Variants in AFF3 observed in about 807,000 individuals in gnomAD.
AFF3 encodes ALF transcription elongation factor 3.
AFF3 carries 32 observed loss-of-function variants against 129.7 expected under a neutral mutation model. That is an observed-to-expected ratio of 0.25 (90% CI 0.19 to 0.33). The LOEUF is 0.33. AFF3 is among the 10% of genes least tolerant of loss of function. AFF3 has a pLI of 1.00. For missense variants in AFF3, 1,373 were observed against 1,592.0 expected (o/e 0.86, Z 2.34); for synonymous variants, 644 against 635.4 (o/e 1.01, Z -0.20).
chr2:99,703,308 G>A (rs1263379303), intron 11 of AFF3, among the ~76,000 whole-genome samples: 2 of 152,142 alleles, frequency 1.3e-5, no homozygotes, highest in African/African-American at 2.4e-5. Context: ...AGTTCCTTCT[G>A]CCACGTAAGG....
intron 7 of AFF3, among the ~76,000 whole-genome samples, chr2:99,899,013 A>C (rs1159925401): frequency 6.6e-6 from 1 of 152,122 alleles, no homozygotes; most frequent in Admixed American, 6.6e-5. Context: ...TTCTAAACCA[A>C]GACCACTGCA....
At chr2:100,128,476 G>C (rs1014206492) in intron 2 of AFF3, among the ~76,000 whole-genome samples, 7 of 152,214 alleles carry the variant, frequency 4.6e-5, no homozygotes, top group Non-Finnish European at 1.0e-4. Context: ...GAAGACCAGA[G>C]TGACCTACTC....
chr2:99,835,806 T>C (rs969215173), intron 8 of AFF3, among the ~76,000 whole-genome samples: 1 of 152,152 alleles, frequency 6.6e-6, no homozygotes, highest in African/African-American at 2.4e-5. Context: ...AAATCTGTGA[T>C]CCGGTGGGTC....
chr2:99,967,987 T>A (rs1677958244), intron 7 of AFF3, among the ~76,000 whole-genome samples: 1 of 152,210 alleles, frequency 6.6e-6, no homozygotes, highest in Admixed American at 6.5e-5. Context: ...CTTTAATGTC[T>A]CACCATGTTC....
Position 99,618,089 on chromosome 2 carries a change from G to A in AFF3, c.1185-16468C>T, listed in dbSNP as rs574268453. ...GGTGGACGTTTTACTGCCTCTGCTC[G>A]CTGGCTATATGACCTTTGGGAAGTT... On this transcript the variant is annotated intron_variant, in intron 13 of 24. Transcript: ENST00000672756. Among the ~76,000 whole-genome samples, 26 of 152,178 alleles carry A rather than the reference G, an allele frequency of 1.7e-4. No homozygotes were observed. The East Asian group carries it at 1.9e-3, about 11-fold the overall frequency.
At chr2:99,622,345 C>T (rs1480300192) in intron 13 of AFF3, among the ~76,000 whole-genome samples, 2 of 152,082 alleles carry the variant, frequency 1.3e-5, no homozygotes, top group Admixed American at 6.6e-5. Context: ...CAAATTACCA[C>T]GAACACATTT....
At chr2:99,906,261 A>T (rs1197222633) in intron 7 of AFF3, among the ~76,000 whole-genome samples, 1 of 152,220 alleles carries the variant, frequency 6.6e-6, no homozygotes, top group Non-Finnish European at 1.5e-5. Context: ...CAGCATTATT[A>T]ACCTCATTTT....
chr2:99,880,834 G>A (rs1458224290), intron 7 of AFF3, among the ~76,000 whole-genome samples: 1 of 152,264 alleles, frequency 6.6e-6, no homozygotes, highest in Middle Eastern at 3.4e-3. Context: ...TGTTTGGGAC[G>A]AGCAGTTGGA....
In AFF3 at chr2:99,727,147, A is replaced by T. The variant is rs769931596; in HGVS notation, c.1040-19T>A. 3 of 1,605,456 alleles carry T rather than the reference A, an allele frequency of 1.9e-6. No homozygotes were observed. The highest frequency in any genetic ancestry group is 2.6e-6 in the Non-Finnish European group (3 of 1,175,884). On this transcript the variant is annotated intron_variant, in intron 10 of 24. Coordinates refer to ENST00000672756, the MANE Select transcript of AFF3 (RefSeq NM_001386135.1). The stretch of plus-strand genomic sequence containing the variant: ...CCTTTCTCTTAAAAAGGAAGCAGAA[A>T]AAAATACCGACATATGAGTCTTACA...
At chr2:99,741,323 T>C (rs901641545) in intron 10 of AFF3, among the ~76,000 whole-genome samples, 14 of 152,130 alleles carry the variant, frequency 9.2e-5, no homozygotes, top group South Asian at 4.2e-4. Context: ...GAAAACCCCA[T>C]TGTCTCAGCC....
chr2:99,796,492 G>A (rs548699280), intron 8 of AFF3, among the ~76,000 whole-genome samples: 3 of 152,280 alleles, frequency 2.0e-5, no homozygotes, highest in African/African-American at 7.2e-5. Flanking sequence ...ATGAAAAACT[G>A]ATGAGGCAAG....
intron 13 of AFF3, among the ~76,000 whole-genome samples, chr2:99,644,756 G>C (rs1471129338): frequency 6.6e-6 from 1 of 152,216 alleles, no homozygotes; most frequent in Non-Finnish European, 1.5e-5. Context: ...TCGTATTCAA[G>C]GCACTTCATA....
chr2:99,679,376 G>T (rs931361607), intron 11 of AFF3, among the ~76,000 whole-genome samples: 1 of 152,126 alleles, frequency 6.6e-6, no homozygotes, highest in South Asian at 2.1e-4. Context: ...AGCAACTTCT[G>T]ATGGTCCTTT....
chr2:99,984,033 T>C (rs946864054), intron 7 of AFF3, among the ~76,000 whole-genome samples: 40 of 152,304 alleles, frequency 2.6e-4, no homozygotes, highest in African/African-American at 8.7e-4. Context: ...AAAGATCTTT[T>C]ACATAAAATG....
chr2:99,819,231 A>G (rs542895440), intron 8 of AFF3, among the ~76,000 whole-genome samples: 2 of 152,256 alleles, frequency 1.3e-5, no homozygotes, highest in Non-Finnish European at 2.9e-5. Context: ...TTTTCAAATT[A>G]AAGCTAAGTT....
At chr2:99,672,102 TA>T (rs2104453507) in intron 12 of AFF3, among the ~76,000 whole-genome samples, 1 of 152,148 alleles carries the variant, frequency 6.6e-6, no homozygotes, top group African/African-American at 2.4e-5. Flanking sequence ...TCTCAATATT[TA>T]ATGTTACGGA....
chr2:99,900,959 G>A (rs766152231), intron 7 of AFF3, among the ~76,000 whole-genome samples: 2 of 152,226 alleles, frequency 1.3e-5, no homozygotes, highest in Non-Finnish European at 2.9e-5. Context: ...AGAGCCGCAA[G>A]TGCAGGATTA....
chr2:99,660,423 A>C (rs1686124287), intron 12 of AFF3, among the ~76,000 whole-genome samples: 1 of 152,232 alleles, frequency 6.6e-6, no homozygotes, highest in Non-Finnish European at 1.5e-5. Flanking sequence ...AATGATTAGG[A>C]AAGATTCTCC....
At chr2:99,558,525 C>A (rs988885207) in intron 22 of AFF3, among the ~76,000 whole-genome samples, 17 of 152,094 alleles carry the variant, frequency 1.1e-4, no homozygotes, top group Non-Finnish European at 1.5e-4. Context: ...GAGGCTGAGG[C>A]AGGAGAATTG....
Sources: gnomAD v4.1 joint callset for allele counts (sites outside exome capture counted in the v4.1 genomes callset) on GRCh38, gnomAD v4.1.1 for gene constraint, MANE v1.5 for transcripts, NCBI Gene and HGNC (gene_info 2026-07-23, HGNC 2026-07-21) for gene names.